CDCP2: variants seen among roughly 807,000 people sequenced by gnomAD.
CDCP2 encodes the protein CUB domain containing protein 2.
A neutral mutation model predicts 31.0 loss-of-function variants in CDCP2; 31 were observed. The ratio of observed to expected loss-of-function variants is 1.00; its 90% CI spans 0.75 to 1.35. The LOEUF (loss-of-function observed/expected upper bound fraction) is 1.35, where lower values mean the gene tolerates loss of function less well. Ranked by LOEUF, CDCP2 falls within the 40% of genes most tolerant of loss-of-function variation. CDCP2 has a pLI of 0.00. For missense variants in CDCP2, 443 were observed against 482.6 expected (o/e 0.92, Z 0.77); for synonymous variants, 206 against 207.9 (o/e 0.99, Z 0.08).
intron 1 of CDCP2, among the ~76,000 whole-genome samples, chr1:54,145,770 G>A (rs1659457620): frequency 6.6e-6 from 1 of 152,162 alleles, no homozygotes; most frequent in African/African-American, 2.4e-5. Context: ...AAGAGGGGAG[G>A]AAGCAGGCAT....
intron 1 of CDCP2, among the ~76,000 whole-genome samples, chr1:54,150,113 C>T (rs1659555052): frequency 6.6e-6 from 1 of 152,180 alleles, no homozygotes; most frequent in Admixed American, 6.5e-5. Context: ...TCTTGGGGCT[C>T]CCACCACCAC....
At chr1:54,141,318 G>A in exon 3 of CDCP2, 1 of 1,614,232 alleles carries the variant, frequency 6.2e-7, no homozygotes, top group Non-Finnish European at 8.5e-7. Context: ...GCTTGACGTG[G>A]GCAGGGCCAG....
Position 54,144,730 on chromosome 1 carries a change from CTG to C in CDCP2, c.161_162del (p.Thr54ArgfsTer22), listed in dbSNP as rs558673127. 108 of 1,614,224 alleles carry C rather than the reference CTG, an allele frequency of 6.7e-5. No homozygotes were observed. In the African/African-American group the frequency reaches 1.3e-3, roughly 19 times the overall value. Reference sequence around the variant, plus strand: ...GCCACCACGATCAGCCAGCTGCACTCTGTGTTGTAGGGGTACAGTCTAGGGAA... The same window carrying C: ...GCCACCACGATCAGCCAGCTGCACTCTGTTGTAGGGGTACAGTCTAGGGAA... On this transcript the variant is annotated frameshift_variant, in exon 2 of 6. Transcript: ENST00000530059. LOFTEE classifies it high-confidence loss of function.
intron 3 of CDCP2, 111 bp from the exon 4 acceptor site, chr1:54,140,217 C>T: frequency 1.1e-6 from 1 of 935,164 alleles, no homozygotes; most frequent in Non-Finnish European, 1.7e-6. Flanking sequence ...AAACCACCAG[C>T]AGGTTGTGGG....
At chr1:54,135,324 C>T (rs1037407081) in intron 5 of CDCP2, among the ~76,000 whole-genome samples, 2 of 152,152 alleles carry the variant, frequency 1.3e-5, no homozygotes, top group African/African-American at 4.8e-5. Flanking sequence ...TAAAGATTGG[C>T]ATTACTTTTT....
chr1:54,135,609 T>C (rs1196564785), intron 5 of CDCP2, among the ~76,000 whole-genome samples: 2 of 152,144 alleles, frequency 1.3e-5, no homozygotes, highest in Non-Finnish European at 2.9e-5. Context: ...TTTGTCTCCG[T>C]CATTCCATGA....
At chr1:54,137,682 TGC>T (rs61080825) in intron 4 of CDCP2, 14 of 130,608 alleles carry the variant, frequency 1.1e-4, no homozygotes, top group Admixed American at 1.6e-4. Flanking sequence ...TGTGTGTGTG[TGC>T]GTGTGTGTGT....
At chr1:54,146,186 T>TCA (rs1557708639) in intron 1 of CDCP2, among the ~76,000 whole-genome samples, 23 of 151,600 alleles carry the variant, frequency 1.5e-4, no homozygotes, top group African/African-American at 5.6e-4. Flanking sequence ...GTATAATTTT[T>TCA]TTTTTTTTTT....
chr1:54,142,166 C>T (rs373981380), intron 2 of CDCP2: 1 of 152,264 alleles, frequency 6.6e-6, no homozygotes, highest in Non-Finnish European at 1.5e-5. Context: ...GGATCCTGTG[C>T]ACTTGACCCT....
chr1:54,149,151 A>G (rs1185311865), intron 1 of CDCP2, among the ~76,000 whole-genome samples: 1 of 151,476 alleles, frequency 6.6e-6, no homozygotes, highest in Non-Finnish European at 1.5e-5. Flanking sequence ...GGACCACTTG[A>G]GCCCAGGAGT....
intron 3 of CDCP2, chr1:54,140,437 G>A (rs555561097): frequency 9.0e-5 from 36 of 400,094 alleles, no homozygotes; most frequent in Middle Eastern, 7.9e-4. Context: ...TGGCTTGACA[G>A]ATGATGTGGT....
intron 2 of CDCP2, chr1:54,142,202 G>A (rs1659387108): frequency 6.6e-6 from 1 of 152,218 alleles, no homozygotes; most frequent in African/African-American, 2.4e-5. Context: ...CCACTCCTAC[G>A]AGGCCAGTGG....
chr1:54,142,522 C>G (rs917938498), intron 2 of CDCP2: 1 of 152,256 alleles, frequency 6.6e-6, no homozygotes, highest in Non-Finnish European at 1.5e-5. Context: ...TACAACTACA[C>G]GGCAAGTGTG....
At chr1:54,151,646 T>C (rs1208979095) in intron 1 of CDCP2, among the ~76,000 whole-genome samples, 1 of 152,178 alleles carries the variant, frequency 6.6e-6, no homozygotes, top group Non-Finnish European at 1.5e-5. Context: ...CCATCCCATC[T>C]CTGCCAGTGA....
At chr1:54,151,632 G>A (rs1175173133) in intron 1 of CDCP2, among the ~76,000 whole-genome samples, 2 of 152,258 alleles carry the variant, frequency 1.3e-5, no homozygotes, top group African/African-American at 4.8e-5. Flanking sequence ...AGATGCTTGG[G>A]TGCCCATCCC....
At position 54,152,903 on chromosome 1, in the gene CDCP2, GC is replaced by G. The variant is rs759359747; in HGVS notation, c.19del (p.Ala7LeufsTer53). 5.0e-6 allele frequency: 8 copies of G among 1,614,186 alleles called. No homozygotes were observed. The highest frequency in any genetic ancestry group is 6.8e-6 in the Non-Finnish European group (8 of 1,180,030). On this transcript the variant is annotated frameshift_variant, in exon 1 of 6. Transcript: ENST00000530059. LOFTEE classifies it high-confidence loss of function. ...CAGTGCCACTGCCAGCAGCAGGCAAGCCCCCCACTCTGCCAGCATCTCCTCA... is the reference window on the plus strand; with the variant it reads ...CAGTGCCACTGCCAGCAGCAGGCAAGCCCCCACTCTGCCAGCATCTCCTCA...
At chr1:54,144,480 G>T (rs370851109) in exon 2 of CDCP2, 16 of 1,575,806 alleles carry the variant, frequency 1.0e-5, no homozygotes, top group East Asian at 2.2e-5. Context: ...CTGGTAGCCC[G>T]CAGAAAAGCC....
At chr1:54,135,157 T>C (rs1659237903) in intron 5 of CDCP2, among the ~76,000 whole-genome samples, 1 of 121,982 alleles carries the variant, frequency 8.2e-6, no homozygotes, top group South Asian at 2.4e-4. Context: ...ATCTACATAA[T>C]AAGGAAGGGA....
rs1047455962 is a variant in CDCP2, at chr1:54,147,018, G to A, written c.80-2205C>T. ...TTGAACTTAGCAGGTAGAGTTTGCA[G>A]TGAGCTGAGATTGTGCCACCGCACT... On this transcript the variant is annotated intron_variant, in intron 1 of 5. Transcript: ENST00000530059. Among the ~76,000 whole-genome samples the A allele has an allele frequency of 2.3e-5, 3 of 130,652 alleles. No individual in the cohort carries two copies. In the Admixed American group the frequency reaches 2.8e-4, roughly 12 times the overall value. 85.7% of individuals were successfully genotyped at this position (130,652 alleles called of 152,430 possible). A position where few individuals can be genotyped will look rare whatever the true frequency, so the allele number is the denominator to read the frequency against.
Sources: gnomAD v4.1 joint callset for allele counts (sites outside exome capture counted in the v4.1 genomes callset) on GRCh38, gnomAD v4.1.1 for gene constraint, MANE v1.5 for transcripts, NCBI Gene and HGNC (gene_info 2026-07-23, HGNC 2026-07-21) for gene names.